Variants in ATG5 observed in about 807,000 individuals in gnomAD.
ATG5 encodes autophagy related 5.
A neutral mutation model predicts 36.5 loss-of-function variants in ATG5; 14 were observed. That is an observed-to-expected ratio of 0.38 (90% CI 0.25 to 0.60). ATG5 has a LOEUF of 0.60. ATG5 is among the 20% of genes least tolerant of loss of function. The pLI is 0.60. For synonymous variants in ATG5, 95 were observed against 101.5 expected, an observed-to-expected ratio of 0.94 and a Z score of 0.38; for missense variants, 195 against 326.7, an observed-to-expected ratio of 0.60 and a Z score of 3.11.
intron 3 of ATG5, among the ~76,000 whole-genome samples, chr6:106,298,463 A>C (rs1770067762): frequency 6.6e-6 from 1 of 152,046 alleles, no homozygotes; most frequent in African/African-American, 2.4e-5. Flanking sequence ...AAGTGGGAGA[A>C]TTGCTTGAAC....
At chr6:106,319,425 G>A (rs992674430) in intron 1 of ATG5, among the ~76,000 whole-genome samples, 3 of 152,170 alleles carry the variant, frequency 2.0e-5, no homozygotes, top group Non-Finnish European at 4.4e-5. Context: ...CTGTGTGGCA[G>A]GTGCTAGAAG....
chr6:106,297,068 T>C (rs1769985236), intron 3 of ATG5, among the ~76,000 whole-genome samples: 1 of 152,238 alleles, frequency 6.6e-6, no homozygotes, highest in Admixed American at 6.5e-5. Context: ...CTTTAGATGA[T>C]ATCTTAAATT....
At chr6:106,199,026 A>T (rs1041821429) in intron 7 of ATG5, among the ~76,000 whole-genome samples, 1 of 152,220 alleles carries the variant, frequency 6.6e-6, no homozygotes, top group African/African-American at 2.4e-5. Flanking sequence ...AGCCATTAGA[A>T]AAATGAGAAT....
chr6:106,242,629 C>CA (rs76436532), intron 6 of ATG5, among the ~76,000 whole-genome samples: 13,392 of 151,254 alleles, frequency 0.089, 617 homozygotes, highest in South Asian at 0.13. Context: ...ATAACAACAA[C>CA]AAAAAAAACA....
intron 6 of ATG5, among the ~76,000 whole-genome samples, chr6:106,234,165 C>T (rs1832408): frequency 0.11 from 17,039 of 151,120 alleles, 1,037 homozygotes; most frequent in South Asian, 0.16. Context: ...AAGGAAGTAA[C>T]CTCCCAACTG....
chr6:106,320,259 A>C (rs1476896438), intron 1 of ATG5, among the ~76,000 whole-genome samples: 2 of 152,346 alleles, frequency 1.3e-5, no homozygotes, highest in East Asian at 3.9e-4. Flanking sequence ...TTACTCTGTG[A>C]GAGTTTTCAT....
chr6:106,208,155 CCTAT>C (rs369077295), intron 6 of ATG5, among the ~76,000 whole-genome samples: 245 of 152,168 alleles, frequency 1.6e-3, no homozygotes, highest in African/African-American at 5.5e-3. Flanking sequence ...GACACAACTA[CCTAT>C]CTTTCCTGAA....
intron 4 of ATG5, among the ~76,000 whole-genome samples, chr6:106,282,142 G>A (rs1460463361): frequency 2.0e-5 from 3 of 152,172 alleles, no homozygotes; most frequent in African/African-American, 7.2e-5. Flanking sequence ...ATGCACACAT[G>A]TGCACACCTC....
At chr6:106,235,112 G>A (rs1292459134) in intron 6 of ATG5, among the ~76,000 whole-genome samples, 2 of 152,070 alleles carry the variant, frequency 1.3e-5, no homozygotes, top group African/African-American at 2.4e-5. Context: ...CAGACCCTGG[G>A]GCCTCCTCAG....
chr6:106,280,642 A>G (rs780224951), intron 4 of ATG5, among the ~76,000 whole-genome samples: 5 of 152,172 alleles, frequency 3.3e-5, no homozygotes, highest in Non-Finnish European at 5.9e-5. Context: ...AAAAAAGATA[A>G]TAACAGCTAA....
intron 3 of ATG5, among the ~76,000 whole-genome samples, chr6:106,304,992 G>A (rs1449604253): frequency 2.0e-5 from 3 of 151,866 alleles, no homozygotes; most frequent in Non-Finnish European, 4.4e-5. Context: ...TCAGGAGGCT[G>A]AGGCAGGAGA....
chr6:106,190,076 A>G (rs934419354), intron 7 of ATG5, among the ~76,000 whole-genome samples: 1 of 152,218 alleles, frequency 6.6e-6, no homozygotes, highest in African/African-American at 2.4e-5. Flanking sequence ...ATAAAATAAT[A>G]AAATATTCAT....
At chr6:106,323,561 A>G (rs1404760274) in intron 1 of ATG5, among the ~76,000 whole-genome samples, 2 of 152,080 alleles carry the variant, frequency 1.3e-5, no homozygotes, top group African/African-American at 4.8e-5. Flanking sequence ...TTAGTTGCTC[A>G]GTCCGTAACC....
At chr6:106,231,096 A>T (rs960870839) in intron 6 of ATG5, among the ~76,000 whole-genome samples, 1 of 152,150 alleles carries the variant, frequency 6.6e-6, no homozygotes, top group South Asian at 2.1e-4. Flanking sequence ...AAGAATGCCA[A>T]TATTCCCCGA....
rs147264372 is a variant in ATG5 at position 106,321,513 on chromosome 6, C to G, written c.-59+4013G>C. Among the ~76,000 whole-genome samples, 257 of 152,246 alleles carry G rather than the reference C, an allele frequency of 1.7e-3. 4 individuals are homozygous for G. The East Asian group carries it at 0.038, about 23-fold the overall frequency. The stretch of plus-strand genomic sequence containing the variant: ...AGCTGGGACTACAGGCGCCCGCCAC[C>G]GCGCCAAGCTAATTTTTTGTATTTT... On this transcript the variant is annotated intron_variant, in intron 1 of 7. Coordinates refer to ENST00000369076, the MANE Select transcript of ATG5 (RefSeq NM_004849.4).
intron 5 of ATG5, among the ~76,000 whole-genome samples, chr6:106,266,347 G>A (rs924427876): frequency 2.0e-5 from 3 of 152,154 alleles, no homozygotes; most frequent in African/African-American, 7.2e-5. Flanking sequence ...AATTGAGGCA[G>A]TAATTAATAG....
At chr6:106,255,362 A>T (rs1354544590) in intron 5 of ATG5, among the ~76,000 whole-genome samples, 1 of 152,254 alleles carries the variant, frequency 6.6e-6, no homozygotes, top group Admixed American at 6.5e-5. Context: ...ACCTTATTAC[A>T]GCATAGCTTT....
intron 6 of ATG5, among the ~76,000 whole-genome samples, chr6:106,235,312 C>A: frequency 6.6e-6 from 1 of 152,182 alleles, no homozygotes; most frequent in East Asian, 1.9e-4. Flanking sequence ...ACCGTGGACC[C>A]CTGGACCGGC....
intron 7 of ATG5, among the ~76,000 whole-genome samples, chr6:106,197,720 A>G (rs1285029287): frequency 6.6e-6 from 1 of 152,132 alleles, no homozygotes; most frequent in African/African-American, 2.4e-5. Context: ...TTCCACCATG[A>G]GCAGAAGCAG....
Sources: gnomAD v4.1 joint callset for allele counts (sites outside exome capture counted in the v4.1 genomes callset) on GRCh38, gnomAD v4.1.1 for gene constraint, MANE v1.5 for transcripts, NCBI Gene and HGNC (gene_info 2026-07-23, HGNC 2026-07-21) for gene names.